CASD1: variants seen among roughly 807,000 people sequenced by gnomAD.
CASD1 encodes CAS1 domain sialic acid O acetyltransferase 1, also known as N-acetylneuraminate (7)9-O-acetyltransferase.
Under a neutral mutation model 100.0 loss-of-function variants are expected in CASD1, and 41 were observed. That is an observed-to-expected ratio of 0.41 (90% CI 0.32 to 0.53). CASD1 has a LOEUF of 0.53. Among genes scored for constraint, CASD1 ranks in the 20% least tolerant of loss-of-function variants. The pLI is 0.25. For synonymous variants in CASD1, 321 were observed against 315.6 expected (o/e 1.02, Z -0.18); for missense variants, 774 against 948.7 (o/e 0.82, Z 2.42).
rs763176581 is a variant in CASD1 at position 94,545,721 on chromosome 7, A to G, written c.1633+20A>G. The G allele has an allele frequency of 1.4e-6, 2 of 1,471,506 alleles. No individual in the cohort carries two copies. Among genetic ancestry groups the G allele is most frequent in the South Asian group, 1.3e-5 (1 of 76,996 alleles). 91.2% of individuals were successfully genotyped at this position (1,471,506 alleles called of 1,614,324 possible). On this transcript the variant is annotated intron_variant, in intron 12 of 17. Transcript: ENST00000297273. ...CAAACGGTAAATATACTTTCTTACT[A>G]ATGTTAGTAAATATATTTTTTCAAC...
intron 10 of CASD1, among the ~76,000 whole-genome samples, chr7:94,540,019 TC>T (rs1350943548): frequency 6.6e-6 from 1 of 152,118 alleles, no homozygotes; most frequent in African/African-American, 2.4e-5. Context: ...ATAAGTTTTT[TC>T]CTTCTCCATG....
chr7:94,565,155 C>G, the CASD1 span, among the ~76,000 whole-genome samples: 1 of 152,102 alleles, frequency 6.6e-6, no homozygotes, highest in African/African-American at 2.4e-5. Context: ...CCCCAAGACT[C>G]TAATGGTAAA....
the CASD1 span, chr7:94,621,765 G>A: frequency 5.3e-5 from 8 of 152,290 alleles, no homozygotes; most frequent in East Asian, 1.5e-3. Context: ...CAATTCTACA[G>A]GGCCAGCTTA....
the CASD1 span, chr7:94,588,781 T>G: frequency 6.2e-7 from 1 of 1,611,268 alleles, no homozygotes; most frequent in Non-Finnish European, 8.5e-7. Flanking sequence ...TACACACTTG[T>G]AAACAGAGAG....
At chr7:94,603,454 T>C in the CASD1 span, 1 of 1,612,564 alleles carries the variant, frequency 6.2e-7, no homozygotes, top group Non-Finnish European at 8.5e-7. Context: ...ACATAAACGC[T>C]GTAAAAATGT....
chr7:94,528,305 C>G (rs1278854587), intron 5 of CASD1, 55 bp downstream of exon 5: 19 of 1,264,056 alleles, frequency 1.5e-5, no homozygotes, highest in East Asian at 2.3e-5. Flanking sequence ...TCCCTTTACA[C>G]AAGCATATTT....
chr7:94,531,993 G>C (rs1404113272), intron 5 of CASD1, among the ~76,000 whole-genome samples: 1 of 152,042 alleles, frequency 6.6e-6, no homozygotes, highest in African/African-American at 2.4e-5. Flanking sequence ...ATTACAATGA[G>C]ATAATTTAAG....
Position 94,554,562 on chromosome 7 carries a change from A to G in CASD1, c.2114A>G (p.Lys705Arg). Residue 705 changes from lysine to arginine, a missense_variant, in exon 17 of 18, where the codon AAA (lysine) becomes AGA (arginine). Transcript: ENST00000297273. ...VYSSFFAWFGKISLELFICQY... is the reference protein window; with the variant it reads ...VYSSFFAWFGRISLELFICQY... ...AGTTCATTTTTTGCTTGGTTTGGAA[A>G]AATTTCATTAGAGGTTGGTACATTA... is the stretch of plus-strand genomic sequence containing the variant. The G allele has an allele frequency of 6.2e-7, 1 of 1,607,056 alleles. No homozygotes were observed. Among genetic ancestry groups the G allele is most frequent in the Non-Finnish European group, 8.5e-7 (1 of 1,174,288 alleles).
At chr7:94,631,217 T>A in the CASD1 span, among the ~76,000 whole-genome samples, 1 of 151,940 alleles carries the variant, frequency 6.6e-6, no homozygotes, top group Non-Finnish European at 1.5e-5. Context: ...AAGAACAATG[T>A]ACTTACCAGC....
chr7:94,613,276 GTAATAA>G, the CASD1 span, among the ~76,000 whole-genome samples: 9 of 152,202 alleles, frequency 5.9e-5, no homozygotes, highest in East Asian at 1.5e-3. Context: ...GAGTCCATGT[GTAATAA>G]TAATAACTAT....
the CASD1 span, among the ~76,000 whole-genome samples, chr7:94,603,903 A>G: frequency 6.6e-6 from 1 of 152,254 alleles, no homozygotes; most frequent in African/African-American, 2.4e-5. Context: ...AAACTTTTAA[A>G]TTACATCCCT....
the CASD1 span, among the ~76,000 whole-genome samples, chr7:94,604,859 A>ATATATATATATATATATAT: frequency 9.1e-6 from 1 of 109,632 alleles, no homozygotes; most frequent in African/African-American, 3.7e-5. Flanking sequence ...ATATATATAT[A>ATATATATATATATATATAT]ATAGTTGTTA....
chr7:94,517,037 G>A (rs1185613513), intron 1 of CASD1, among the ~76,000 whole-genome samples: 1 of 151,988 alleles, frequency 6.6e-6, no homozygotes, highest in African/African-American at 2.4e-5. Context: ...CCGAGTAGCT[G>A]GGACTACAGA....
the CASD1 span, among the ~76,000 whole-genome samples, chr7:94,565,741 T>G: frequency 2.6e-5 from 4 of 152,156 alleles, no homozygotes; most frequent in African/African-American, 9.7e-5. Flanking sequence ...TGAGCCAGTC[T>G]CCTAACCTCA....
At chr7:94,558,623 T>G (rs1796283451), downstream of CASD1, among the ~76,000 whole-genome samples, 1 of 152,166 alleles carries the variant, frequency 6.6e-6, no homozygotes, top group Non-Finnish European at 1.5e-5. Flanking sequence ...TTCATTCTTG[T>G]GTTCATTCCC....
chr7:94,539,131 T>G (rs892907795), intron 10 of CASD1, 75 bp downstream of exon 10: 2 of 775,066 alleles, frequency 2.6e-6, no homozygotes, highest in Non-Finnish European at 4.2e-6. Flanking sequence ...GGCACCAGCT[T>G]TTTTGTGTTT....
chr7:94,585,759 C>G, the CASD1 span, among the ~76,000 whole-genome samples: 1 of 151,984 alleles, frequency 6.6e-6, no homozygotes, highest in Non-Finnish European at 1.5e-5. Flanking sequence ...CCAAGAGGTA[C>G]AGTCTGAAAA....
chr7:94,603,356 C>T, the CASD1 span: 1 of 1,612,596 alleles, frequency 6.2e-7, no homozygotes, highest in East Asian at 2.2e-5. Flanking sequence ...TTATTACAGG[C>T]TCCATTTCTT....
intron 3 of CASD1, among the ~76,000 whole-genome samples, chr7:94,526,300 T>C (rs1308292576): frequency 6.6e-6 from 1 of 152,204 alleles, no homozygotes; most frequent in East Asian, 1.9e-4. Context: ...CCTTCTAGAG[T>C]ACCTTGGAAC....
Sources: gnomAD v4.1 joint callset for allele counts (sites outside exome capture counted in the v4.1 genomes callset) on GRCh38, gnomAD v4.1.1 for gene constraint, MANE v1.5 for transcripts, NCBI Gene and HGNC (gene_info 2026-07-23, HGNC 2026-07-21) for gene names.